The following ATP13A5 variants were observed in gnomAD, a reference collection of about 807,000 sequenced individuals.
ATP13A5 encodes probable cation-transporting ATPase 13A5.
Under a neutral mutation model 150.2 loss-of-function variants are expected in ATP13A5, and 149 were observed. The observed-to-expected ratio is 0.99, with a 90% CI of 0.87 to 1.14. The LOEUF (loss-of-function observed/expected upper bound fraction) is 1.14. Ranked by LOEUF, ATP13A5 falls within the 50% of genes most tolerant of loss-of-function variation. The probability of loss-of-function intolerance (pLI) is 0.00; values close to 1 mark genes in which losing one functional copy is unlikely to be tolerated. For synonymous variants in ATP13A5, 497 were observed against 522.2 expected, an observed-to-expected ratio of 0.95 and a Z score of 0.66; for missense variants, 1,383 against 1,449.3, an observed-to-expected ratio of 0.95 and a Z score of 0.74.
intron 16 of ATP13A5, 95 bp downstream of exon 16, chr3:193,321,586 G>A (rs954967152): frequency 4.8e-5 from 65 of 1,366,546 alleles, no homozygotes; most frequent in East Asian, 7.0e-5. Flanking sequence ...AGCTGAGATC[G>A]TGCCACTGCA....
Position 193,319,107 on chromosome 3 carries a change from C to T in ATP13A5, c.1917G>A (p.Val639=), listed in dbSNP as rs150598361. 2.7e-4 allele frequency: 431 copies of T among 1,612,640 alleles called. 3 individuals carry two copies. The African/African-American group carries it at 5.2e-3, about 19-fold the overall frequency. Residue 639 remains valine, a splice_region_variant and synonymous_variant, in exon 17 of 30, where the codon GTG becomes GTA. Coordinates refer to ENST00000342358, the MANE Select transcript of ATP13A5 (RefSeq NM_198505.4). ...MVARFCRSET[V]PKNFPQELRS... Reference sequence around the variant, plus strand: ...TCAGTTCCTGTGGGAAATTCTTGGGCACTGCCAGGGTAGAAGAAACAGGTA... The same window carrying T: ...TCAGTTCCTGTGGGAAATTCTTGGGTACTGCCAGGGTAGAAGAAACAGGTA...
At chr3:193,366,244 C>T (rs974776944) in intron 1 of ATP13A5, among the ~76,000 whole-genome samples, 4 of 151,958 alleles carry the variant, frequency 2.6e-5, no homozygotes, top group African/African-American at 9.7e-5. Context: ...TGAAATTTAA[C>T]CCAACTATAT....
At chr3:193,309,230 G>A (rs948845989) in intron 21 of ATP13A5, among the ~76,000 whole-genome samples, 13 of 152,140 alleles carry the variant, frequency 8.5e-5, no homozygotes, top group Admixed American at 2.0e-4. Context: ...TTTCCCTGCT[G>A]GGGCCAGATA....
rs182030273 is a variant in ATP13A5 at position 193,333,140 on chromosome 3, C to A, written c.1272+610G>T. On this transcript the variant is annotated intron_variant, in intron 11 of 29. Transcript: ENST00000342358. The stretch of plus-strand genomic sequence containing the variant: ...ATTCACTGCCCACCTCTCTCTCTCT[C>A]ACACACACACACACACAAACACACA... Among the ~76,000 whole-genome samples the A allele has an allele frequency of 8.6e-4, 127 of 147,428 alleles. 1 individual carries two copies. Among genetic ancestry groups the A allele is most frequent in the Non-Finnish European group, 7.4e-4 (50 of 67,384 alleles).
Position 193,307,378 on chromosome 3 carries a change from GACA to G in ATP13A5, c.2526-12_2526-10del, listed in dbSNP as rs1395244952. 1.9e-6 allele frequency: 3 copies of G among 1,613,700 alleles called. No homozygotes were observed. The South Asian group carries it at 3.3e-5, about 18-fold the overall frequency. On this transcript the variant is annotated splice_polypyrimidine_tract_variant and intron_variant, in intron 21 of 29. Coordinates refer to ENST00000342358, the MANE Select transcript of ATP13A5 (RefSeq NM_198505.4). ...ACATGCCCACATAATAACTGCGGGA[GACA>G]GGAGAAGAAGGATTAATAGGTAAGA...
intron 17 of ATP13A5, among the ~76,000 whole-genome samples, chr3:193,318,177 A>T (rs1475766388): frequency 2.6e-5 from 4 of 152,232 alleles, no homozygotes; most frequent in African/African-American, 9.6e-5. Flanking sequence ...GTGTTTACTA[A>T]TTAACTTAGA....
At chr3:193,315,270 C>T (rs1161786114) in intron 17 of ATP13A5, among the ~76,000 whole-genome samples, 174 bp from the exon 18 acceptor site, 3 of 102,940 alleles carry the variant, frequency 2.9e-5, no homozygotes, top group African/African-American at 8.4e-5. Flanking sequence ...TCCACACCAC[C>T]TCACCCCTCT....
intron 26 of ATP13A5, among the ~76,000 whole-genome samples, chr3:193,288,435 G>A (rs866605437): frequency 1.2e-4 from 19 of 152,090 alleles, no homozygotes; most frequent in Non-Finnish European, 2.2e-4. Flanking sequence ...GTCAGCAGCC[G>A]CTCAGCTTGA....
intron 27 of ATP13A5, among the ~76,000 whole-genome samples, chr3:193,283,868 G>C (rs1452081009): frequency 6.7e-6 from 1 of 150,060 alleles, no homozygotes; most frequent in Non-Finnish European, 1.5e-5. Flanking sequence ...TATCTGGATA[G>C]GTATCATGTA....
intron 1 of ATP13A5, among the ~76,000 whole-genome samples, chr3:193,368,449 G>C (rs984247935): frequency 6.9e-6 from 1 of 144,104 alleles, no homozygotes; most frequent in Non-Finnish European, 1.5e-5. Flanking sequence ...TTCTAAAATT[G>C]GAATGGAAAT....
intron 5 of ATP13A5, among the ~76,000 whole-genome samples, chr3:193,354,459 T>G (rs1285201597): frequency 6.6e-6 from 1 of 152,144 alleles, no homozygotes; most frequent in Non-Finnish European, 1.5e-5. Flanking sequence ...GAAAGACACT[T>G]TCATTTTGAG....
At chr3:193,288,667 C>T (rs545062263) in intron 26 of ATP13A5, among the ~76,000 whole-genome samples, 15 of 152,150 alleles carry the variant, frequency 9.9e-5, no homozygotes, top group African/African-American at 3.4e-4. Context: ...TTCACTTTAT[C>T]GTGGTAGACT....
Position 193,276,826 on chromosome 3 carries a change from A to G in ATP13A5, c.3320T>C (p.Ile1107Thr). 1 of 1,612,654 alleles carries G rather than the reference A, an allele frequency of 6.2e-7. No homozygotes were observed. The highest frequency in any genetic ancestry group is 1.3e-5 in the African/African-American group (1 of 75,014). The change falls in exon 29 of 30, where the codon ATC (isoleucine) becomes ACC (threonine). Residue 1107 changes from isoleucine to threonine, a missense_variant. By Grantham distance (89) the Ile-to-Thr change is moderately conservative. This residue lies in a region of ATP13A5 where 568 missense variants were observed against 621.5 expected (regional missense o/e 0.91). Transcript: ENST00000342358. Reference protein sequence around the residue: ...FQVIYRGMELIPTITSWRVLI... With the variant: ...FQVIYRGMELTPTITSWRVLI... ...AACCCTCCACGATGTTATGGTTGGG[A>G]TCAACTGTTGAAAAACAAATACCAT...
intron 9 of ATP13A5, among the ~76,000 whole-genome samples, chr3:193,341,767 C>T (rs1326374668): frequency 6.6e-6 from 1 of 152,132 alleles, no homozygotes; most frequent in Non-Finnish European, 1.5e-5. Flanking sequence ...AAATTTGGAA[C>T]CGACATAAAA....
intron 16 of ATP13A5, among the ~76,000 whole-genome samples, chr3:193,321,204 T>C (rs1719261540): frequency 6.6e-6 from 1 of 152,212 alleles, no homozygotes; most frequent in South Asian, 2.1e-4. Flanking sequence ...GCCAGATATT[T>C]AGTCGCTGCC....
intron 1 of ATP13A5, among the ~76,000 whole-genome samples, chr3:193,373,172 T>A (rs1398673298): frequency 6.6e-6 from 1 of 152,188 alleles, no homozygotes; most frequent in African/African-American, 2.4e-5. Context: ...AGAGTCTCAC[T>A]CCATTGCCCA....
chr3:193,338,877 G>A lies in ATP13A5; in HGVS notation c.944-3778C>T, dbSNP rs141840263. On this transcript the variant is annotated intron_variant, in intron 9 of 29. Coordinates refer to ENST00000342358, the MANE Select transcript of ATP13A5 (RefSeq NM_198505.4). ...TCTGTCTGGTCCTGGACTTTTTTTGGTTGGTAGGCTATTAATTATTGCCTT... is the reference window on the plus strand; with the variant it reads ...TCTGTCTGGTCCTGGACTTTTTTTGATTGGTAGGCTATTAATTATTGCCTT... Among the ~76,000 whole-genome samples the A allele has an allele frequency of 6.4e-3, 977 of 152,210 alleles. 11 individuals are homozygous for A. The highest frequency in any genetic ancestry group is 0.022 in the African/African-American group (921 of 41,534).
In ATP13A5 at chr3:193,281,229, A is replaced by T. The variant is rs560611380; in HGVS notation, c.3227-1775T>A. On this transcript the variant is annotated intron_variant, in intron 27 of 29. Transcript: ENST00000342358. The stretch of plus-strand genomic sequence containing the variant: ...CAGGAACGCAGAAGCTGGGAAGAAG[A>T]GGACGCCTGAAAGGTCTGTTCTGAT... 6.6e-5 allele frequency: 65 copies of T among 985,224 alleles called. No individual in the cohort carries two copies. The African/African-American group carries it at 1.1e-3, about 17-fold the overall frequency. 61.0% of individuals were successfully genotyped at this position (985,224 alleles called of 1,614,324 possible).
At chr3:193,373,630 G>A (rs1713530640) in intron 1 of ATP13A5, among the ~76,000 whole-genome samples, 1 of 152,062 alleles carries the variant, frequency 6.6e-6, no homozygotes, top group Non-Finnish European at 1.5e-5. Flanking sequence ...TTGATCCCTT[G>A]TACATAAATG....
Sources: allele counts gnomAD v4.1 joint callset (sites outside exome capture counted in the v4.1 genomes callset), GRCh38; gene constraint gnomAD v4.1.1; regional missense constraint gnomAD v4.1.1; transcripts MANE v1.5; gene names NCBI Gene and HGNC (gene_info 2026-07-23, HGNC 2026-07-21).